MED26: variants seen among roughly 807,000 people sequenced by gnomAD.
The protein encoded by MED26 is mediator of RNA polymerase II transcription subunit 26.
Under a neutral mutation model 43.7 loss-of-function variants are expected in MED26, and 7 were observed. The observed-to-expected ratio is 0.16, with a 90% CI of 0.09 to 0.30. The LOEUF (loss-of-function observed/expected upper bound fraction) is 0.30. Among genes scored for constraint, MED26 ranks in the 10% least tolerant of loss-of-function variants. The pLI is 1.00. For synonymous variants in MED26, 375 were observed against 371.1 expected, an observed-to-expected ratio of 1.01 and a Z score of -0.12; for missense variants, 784 against 840.6, an observed-to-expected ratio of 0.93 and a Z score of 0.83.
chr19:16,600,212 C>G (rs550111414), intron 1 of MED26, among the ~76,000 whole-genome samples: 38 of 151,964 alleles, frequency 2.5e-4, no homozygotes, highest in Admixed American at 2.0e-3. Flanking sequence ...CCCTCCTGCT[C>G]CGCACAGCCT....
chr19:16,627,373 G>A (rs911358916), intron 1 of MED26, among the ~76,000 whole-genome samples: 2 of 152,208 alleles, frequency 1.3e-5, no homozygotes, highest in Admixed American at 6.5e-5. Context: ...AAGCCAGGAA[G>A]GTGCTGCCAG....
At chr19:16,617,524 A>G (rs1385408499) in intron 1 of MED26, among the ~76,000 whole-genome samples, 1 of 152,182 alleles carries the variant, frequency 6.6e-6, no homozygotes, top group Non-Finnish European at 1.5e-5. Context: ...TTCCCAACAC[A>G]TGAAGCAGCC....
chr19:16,588,996 CAG>C (rs1366195712), intron 1 of MED26: 3 of 152,388 alleles, frequency 2.0e-5, no homozygotes, highest in Non-Finnish European at 4.4e-5. Context: ...GAGGAGTAGA[CAG>C]AGACAGCCAA....
At chr19:16,603,834 G>A (rs1175227949) in intron 1 of MED26, among the ~76,000 whole-genome samples, 1 of 152,184 alleles carries the variant, frequency 6.6e-6, no homozygotes. Flanking sequence ...GGACCCCGAG[G>A]TTGGAATGCA....
chr19:16,623,246 A>C (rs558303184), intron 1 of MED26, among the ~76,000 whole-genome samples: 1 of 152,272 alleles, frequency 6.6e-6, no homozygotes, highest in East Asian at 1.9e-4. Context: ...AAGTCAGAGA[A>C]CACCACGCTG....
intron 1 of MED26, among the ~76,000 whole-genome samples, chr19:16,589,727 G>C (rs1209643972): frequency 6.6e-6 from 1 of 152,110 alleles, no homozygotes; most frequent in African/African-American, 2.4e-5. Context: ...TAAAACTTGG[G>C]ACTTGTACAC....
intron 1 of MED26, among the ~76,000 whole-genome samples, chr19:16,620,948 A>G (rs1412958555): frequency 6.6e-6 from 1 of 152,252 alleles, no homozygotes; most frequent in Non-Finnish European, 1.5e-5. Flanking sequence ...TTCTGATGAT[A>G]AAAATGAACC....
intron 1 of MED26, among the ~76,000 whole-genome samples, chr19:16,597,040 G>A (rs1361999417): frequency 2.0e-5 from 3 of 152,214 alleles, no homozygotes; most frequent in African/African-American, 7.2e-5. Flanking sequence ...GATGCCAGAG[G>A]GGAACAGTGC....
In MED26 at chr19:16,575,935, G is replaced by A; in HGVS notation, c.*92C>T. The A allele has an allele frequency of 8.3e-7, 1 of 1,202,880 alleles. No homozygotes were observed. Among genetic ancestry groups the A allele is most frequent in the South Asian group, 1.4e-5 (1 of 70,324 alleles). 74.5% of individuals were successfully genotyped at this position (1,202,880 alleles called of 1,614,324 possible). A position where few individuals can be genotyped will look rare whatever the true frequency, so the allele number is the denominator to read the frequency against. ...CCGGACTCCCCGAGTTCCCAGCGCA[G>A]GAGGCAGCTGGGCCCCGGCCACCTG... On this transcript the variant is annotated 3_prime_UTR_variant, in exon 3 of 3. Coordinates refer to ENST00000263390, the MANE Select transcript of MED26 (RefSeq NM_004831.5).
rs1417201225 is a variant in MED26, at chr19:16,576,012, TG to T, written c.*14del. ...TTCTGCAAGATGGGAATGCACTTTG[TG>T]GCTGACAGGCCGGTCAGTCCAAGCA... On this transcript the variant is annotated 3_prime_UTR_variant, in exon 3 of 3. Coordinates refer to ENST00000263390, the MANE Select transcript of MED26 (RefSeq NM_004831.5). This position sits in a 1 kb window ranked among gnomAD's most constrained non-coding sequence, Gnocchi z 6.8. 1 of 1,598,932 alleles carries T rather than the reference TG, an allele frequency of 6.3e-7. No individual in the cohort carries two copies. The highest frequency in any genetic ancestry group is 8.6e-7 in the Non-Finnish European group (1 of 1,169,380).
At chr19:16,600,921 C>T (rs2086145508) in intron 1 of MED26, among the ~76,000 whole-genome samples, 1 of 152,142 alleles carries the variant, frequency 6.6e-6, no homozygotes, top group Non-Finnish European at 1.5e-5. Flanking sequence ...TGGCAAAACC[C>T]TGCCTCTACA....
Position 16,575,889 on chromosome 19 carries a change from G to A in MED26, c.*138C>T, listed in dbSNP as rs1427095949. The A allele has an allele frequency of 9.1e-6, 6 of 658,904 alleles. No individual in the cohort carries two copies. Among genetic ancestry groups the A allele is most frequent in the South Asian group, 3.8e-5 (2 of 53,044 alleles). 40.8% of individuals were successfully genotyped at this position (658,904 alleles called of 1,614,324 possible). A position where few individuals can be genotyped will look rare whatever the true frequency, so the allele number is the denominator to read the frequency against. The stretch of plus-strand genomic sequence containing the variant: ...AGCGCAGAGAGACCGCGTGACTCCC[G>A]CCCCCTCCCTCCCGCCTGGGCCGGA... On this transcript the variant is annotated 3_prime_UTR_variant, in exon 3 of 3. Coordinates refer to ENST00000263390, the MANE Select transcript of MED26 (RefSeq NM_004831.5).
At position 16,576,666 on chromosome 19, in the gene MED26, G is replaced by A. The variant is rs775431821; in HGVS notation, c.1164C>T (p.Gly388=). 16 of 1,614,126 alleles carry A rather than the reference G, an allele frequency of 9.9e-6. No individual in the cohort carries two copies. The highest frequency in any genetic ancestry group is 1.7e-5 in the Admixed American group (1 of 60,022). Residue 388 remains glycine (G), a synonymous_variant, in exon 3 of 3, where the codon GGC becomes GGT. Coordinates refer to ENST00000263390, the MANE Select transcript of MED26 (RefSeq NM_004831.5). The surrounding 1 kb of genome is among the most constrained non-coding windows in gnomAD (Gnocchi z 6.8). ...KADSDAASSG[G]SDSKKKKRYR... Reference sequence around the variant, plus strand: ...ACCTCTTCTTCTTTTTACTGTCCGAGCCCCCTGAGGAGGCAGCATCACTGT... The same window carrying A: ...ACCTCTTCTTCTTTTTACTGTCCGAACCCCCTGAGGAGGCAGCATCACTGT...
chr19:16,594,805 C>T (rs2086112987), intron 1 of MED26, among the ~76,000 whole-genome samples: 1 of 152,040 alleles, frequency 6.6e-6, no homozygotes, highest in African/African-American at 2.4e-5. Flanking sequence ...TGCAACAGTG[C>T]AATTAAGGGC....
rs202240301 is a variant in MED26, at chr19:16,576,087, C to T, written c.1743G>A (p.Ser581=). ...GNWYDWTQCI[S]LDPHGDDGRL... The stretch of plus-strand genomic sequence containing the variant: ...GCCCGTCGTCGCCGTGCGGATCGAG[C>T]GATATGCACTGCGTCCAGTCATACC... The change falls in exon 3 of 3, where the codon TCG becomes TCA. Residue 581 remains serine, a synonymous_variant. Transcript: ENST00000263390. The surrounding 1 kb of genome is among the most constrained non-coding windows in gnomAD (Gnocchi z 6.8). 1.8e-5 allele frequency: 29 copies of T among 1,613,878 alleles called. No homozygotes were observed. The highest frequency in any genetic ancestry group is 6.7e-5 in the African/African-American group (5 of 75,036).
At chr19:16,610,982 T>C (rs527886821) in intron 1 of MED26, 3 of 152,264 alleles carry the variant, frequency 2.0e-5, no homozygotes, top group African/African-American at 7.2e-5. Flanking sequence ...CTGTAGCATG[T>C]GTAGATCATG....
intron 1 of MED26, among the ~76,000 whole-genome samples, chr19:16,580,349 G>T (rs1040075264): frequency 2.0e-5 from 3 of 151,944 alleles, no homozygotes; most frequent in African/African-American, 7.3e-5. Context: ...TCCTTCAGGT[G>T]TTAGCAGAGT....
At chr19:16,594,801 A>G (rs1011940170) in intron 1 of MED26, among the ~76,000 whole-genome samples, 9 of 152,212 alleles carry the variant, frequency 5.9e-5, no homozygotes, top group African/African-American at 2.2e-4. Flanking sequence ...AAAATGCAAC[A>G]GTGCAATTAA....
intron 1 of MED26, among the ~76,000 whole-genome samples, chr19:16,614,239 A>G (rs2086212606): frequency 6.6e-6 from 1 of 152,186 alleles, no homozygotes; most frequent in South Asian, 2.1e-4. Flanking sequence ...TGCTAAGGGT[A>G]GTGTCTGGCC....
Sources: allele counts gnomAD v4.1 joint callset (sites outside exome capture counted in the v4.1 genomes callset), GRCh38; gene constraint gnomAD v4.1.1; non-coding constraint Gnocchi (gnomAD v3.1); transcripts MANE v1.5; gene names NCBI Gene and HGNC (gene_info 2026-07-23, HGNC 2026-07-21).